The following IGF2BP3 variants were observed in gnomAD, a reference collection of about 807,000 sequenced individuals.
IGF2BP3 encodes insulin-like growth factor 2 mRNA-binding protein 3.
In IGF2BP3, 9 loss-of-function variants were observed where a neutral mutation model predicts 73.8. That is an observed-to-expected ratio of 0.12 (90% CI 0.07 to 0.21). IGF2BP3 has a LOEUF of 0.21. IGF2BP3 is among the 10% of genes least tolerant of loss of function. The pLI, the probability that IGF2BP3 is intolerant of heterozygous loss-of-function variation, is 1.00. For synonymous variants in IGF2BP3, 258 were observed against 256.7 expected (o/e 1.01, Z -0.05); for missense variants, 542 against 714.0 (o/e 0.76, Z 2.75).
intron 13 of IGF2BP3, 62 bp from the exon 14 acceptor site, chr7:23,312,910 T>G (rs1783872022): frequency 4.0e-6 from 4 of 1,002,484 alleles, no homozygotes; most frequent in Non-Finnish European, 6.2e-6. Flanking sequence ...TCCTAAGCAC[T>G]TACTGTGCGC....
intron 10 of IGF2BP3, among the ~76,000 whole-genome samples, chr7:23,339,456 A>G (rs192406513): frequency 1.3e-3 from 203 of 152,348 alleles, no homozygotes; most frequent in African/African-American, 4.7e-3. Context: ...AATCCAGAGA[A>G]TATGCAGTCT....
rs746204752 is a variant in IGF2BP3 at position 23,392,472 on chromosome 7, G to GTATA, written c.285+26300_285+26303dup. ...TATATACACACACACACATATATAT[G>GTATA]TATATATATATATACACACATACAC... On this transcript the variant is annotated intron_variant, in intron 3 of 14. Coordinates refer to ENST00000258729, the MANE Select transcript of IGF2BP3 (RefSeq NM_006547.3). Among the ~76,000 whole-genome samples the GTATA allele has an allele frequency of 1.5e-4, 21 of 140,688 alleles. 1 individual carries two copies. The highest frequency in any genetic ancestry group is 9.9e-4 in the Admixed American group (14 of 14,122). The allele number at this position is 140,688 out of a possible 152,430, so 92.3% of individuals were successfully genotyped here. A position where few individuals can be genotyped will look rare whatever the true frequency, so the allele number is the denominator to read the frequency against.
Position 23,462,116 on chromosome 7 carries a change from G to A in IGF2BP3, c.236+6366C>T, listed in dbSNP as rs540649586. ...TCCCTGGTCCTTTTAGCCCAGTTTAGTAATGGACCTGAGTGGCACATGTGG... is the reference window on the plus strand; with the variant it reads ...TCCCTGGTCCTTTTAGCCCAGTTTAATAATGGACCTGAGTGGCACATGTGG... On this transcript the variant is annotated intron_variant, in intron 2 of 14. Transcript: ENST00000258729. Among the ~76,000 whole-genome samples, 4 of 152,342 alleles carry A rather than the reference G, an allele frequency of 2.6e-5. No individual in the cohort carries two copies. In the South Asian group the frequency reaches 6.2e-4, roughly 24 times the overall value.
intron 5 of IGF2BP3, among the ~76,000 whole-genome samples, chr7:23,360,837 T>G (rs900130665): frequency 1.3e-5 from 2 of 152,210 alleles, no homozygotes; most frequent in African/African-American, 4.8e-5. Flanking sequence ...CCCAGTGCTG[T>G]GCTACTGAGC....
chr7:23,411,638 C>T (rs561899618), intron 3 of IGF2BP3, among the ~76,000 whole-genome samples: 1 of 152,328 alleles, frequency 6.6e-6, no homozygotes, highest in South Asian at 2.1e-4. Context: ...ATTCCTGTAT[C>T]CACATGGACC....
intron 10 of IGF2BP3, among the ~76,000 whole-genome samples, chr7:23,326,594 G>T (rs1480513064): frequency 1.3e-5 from 2 of 151,718 alleles, no homozygotes; most frequent in Non-Finnish European, 2.9e-5. Context: ...TATAAATCAT[G>T]CTACTATAAA....
rs898917067 is a variant in IGF2BP3, at chr7:23,456,646, T to C, written c.236+11836A>G. Among the ~76,000 whole-genome samples, 9 of 152,358 alleles carry C rather than the reference T, an allele frequency of 5.9e-5. No individual in the cohort carries two copies. The South Asian group carries it at 1.4e-3, about 25-fold the overall frequency. Reference sequence around the variant, plus strand: ...AGAAGAGTGTGTTCCTACAATTATATAGTCCTCCATGTTTGATGAGACAGT... The same window carrying C: ...AGAAGAGTGTGTTCCTACAATTATACAGTCCTCCATGTTTGATGAGACAGT... On this transcript the variant is annotated intron_variant, in intron 2 of 14. Coordinates refer to ENST00000258729, the MANE Select transcript of IGF2BP3 (RefSeq NM_006547.3).
Position 23,364,627 on chromosome 7 carries a change from A to G in IGF2BP3, c.286-2886T>C, listed in dbSNP as rs978435896. 7.9e-5 allele frequency among the ~76,000 whole-genome samples: 12 copies of G among 151,796 alleles called. 1 individual carries two copies. The highest frequency in any genetic ancestry group is 6.6e-4 in the Admixed American group (10 of 15,242). On this transcript the variant is annotated intron_variant, in intron 3 of 14. Transcript: ENST00000258729. The stretch of plus-strand genomic sequence containing the variant: ...GCAGTGGGCAACCTACTTATTTTCT[A>G]AACAAAAATGAAATTTTTTCAATAC...
intron 3 of IGF2BP3, among the ~76,000 whole-genome samples, chr7:23,382,393 T>C (rs1785940968): frequency 6.8e-6 from 1 of 147,426 alleles, no homozygotes; most frequent in South Asian, 2.1e-4. Flanking sequence ...TCTTACCAGG[T>C]TTTTTTTTTT....
Position 23,330,347 on chromosome 7 carries a change from T to TTA in IGF2BP3, c.1204-11095_1204-11094dup, listed in dbSNP as rs1049254774. ...AATATATATTTATATAATATTTATA[T>TTA]TATATATATATTTCTCTAGAGCTGT... On this transcript the variant is annotated intron_variant, in intron 10 of 14. Transcript: ENST00000258729. Among the ~76,000 whole-genome samples the TTA allele has an allele frequency of 8.8e-5, 13 of 148,490 alleles. No homozygotes were observed. In the South Asian group the frequency reaches 2.3e-3, roughly 26 times the overall value.
At chr7:23,325,000 G>A (rs1486139939) in intron 10 of IGF2BP3, among the ~76,000 whole-genome samples, 1 of 151,310 alleles carries the variant, frequency 6.6e-6, no homozygotes, top group Non-Finnish European at 1.5e-5. Flanking sequence ...CATTCCCTTT[G>A]AAAACTGGCA....
intron 2 of IGF2BP3, among the ~76,000 whole-genome samples, chr7:23,434,515 A>C (rs916129607): frequency 6.6e-6 from 1 of 152,232 alleles, no homozygotes; most frequent in South Asian, 2.1e-4. Flanking sequence ...TGTGTTCAAG[A>C]AACTCAGTAT....
At chr7:23,415,865 C>G (rs929280450) in intron 3 of IGF2BP3, among the ~76,000 whole-genome samples, 2 of 152,234 alleles carry the variant, frequency 1.3e-5, no homozygotes, top group Non-Finnish European at 2.9e-5. Flanking sequence ...GTGATTCTCC[C>G]TGGTGAAATA....
intron 2 of IGF2BP3, among the ~76,000 whole-genome samples, chr7:23,467,617 G>C (rs1017505833): frequency 2.0e-5 from 3 of 152,166 alleles, no homozygotes; most frequent in Non-Finnish European, 4.4e-5. Context: ...CAAAAAAATA[G>C]AGCCGGAATC....
chr7:23,378,401 G>GTTTTTTTTTTTTTTTTTTTTTTTTT (rs373876363), intron 3 of IGF2BP3, among the ~76,000 whole-genome samples: 2 of 128,060 alleles, frequency 1.6e-5, no homozygotes, highest in African/African-American at 7.5e-5. Context: ...TCTCTTCTTG[G>GTTTTTTTTTTTTTTTTTTTTTTTTT]TTTTTTTTTG....
chr7:23,317,597 A>G, intron 12 of IGF2BP3, 42 bp downstream of exon 12: 1 of 1,476,408 alleles, frequency 6.8e-7, no homozygotes, highest in South Asian at 1.1e-5. Context: ...CTACCTGTGC[A>G]TTTGTTACCT....
At chr7:23,327,087 T>C (rs1784320564) in intron 10 of IGF2BP3, among the ~76,000 whole-genome samples, 1 of 151,810 alleles carries the variant, frequency 6.6e-6, no homozygotes, top group African/African-American at 2.4e-5. Context: ...AATTAATTAA[T>C]TAATTAAAAA....
At chr7:23,465,875 G>A (rs551586475) in intron 2 of IGF2BP3, among the ~76,000 whole-genome samples, 3 of 152,222 alleles carry the variant, frequency 2.0e-5, no homozygotes, top group African/African-American at 7.2e-5. Flanking sequence ...TCCCTTAGGT[G>A]CTGGGCATGT....
At chr7:23,459,329 T>C (rs1416311233) in intron 2 of IGF2BP3, among the ~76,000 whole-genome samples, 1 of 152,090 alleles carries the variant, frequency 6.6e-6, no homozygotes, top group Non-Finnish European at 1.5e-5. Flanking sequence ...AATGTAAAAA[T>C]GAGGGAATTT....
Sources: allele counts gnomAD v4.1 joint callset (sites outside exome capture counted in the v4.1 genomes callset), GRCh38; gene constraint gnomAD v4.1.1; transcripts MANE v1.5; gene names NCBI Gene and HGNC (gene_info 2026-07-23, HGNC 2026-07-21).